Variants in PGS1 observed in about 807,000 individuals in gnomAD.
PGS1 encodes phosphatidylglycerophosphate synthase 1.
A neutral mutation model predicts 58.3 loss-of-function variants in PGS1; 44 were observed. The observed-to-expected ratio is 0.75, with a 90% CI of 0.59 to 0.97. The LOEUF (loss-of-function observed/expected upper bound fraction) is 0.97. Among genes scored for constraint, PGS1 ranks in the 50% least tolerant of loss-of-function variants. PGS1 has a pLI of 0.00. For synonymous variants in PGS1, 330 were observed against 311.0 expected (o/e 1.06, Z -0.64); for missense variants, 684 against 731.1 (o/e 0.94, Z 0.74).
chr17:78,417,652 C>G (rs1211549746), intron 8 of PGS1, among the ~76,000 whole-genome samples: 1 of 152,060 alleles, frequency 6.6e-6, no homozygotes, highest in Non-Finnish European at 1.5e-5. Context: ...TTGAGTGGCA[C>G]AGGCCACCGC....
At chr17:78,409,754 A>G (rs751436752) in intron 7 of PGS1, among the ~76,000 whole-genome samples, 1 of 152,168 alleles carries the variant, frequency 6.6e-6, no homozygotes, top group Non-Finnish European at 1.5e-5. Context: ...ATACTGTGGG[A>G]GTGCTTGAGG....
At chr17:78,381,397 T>C (rs1206036858) in intron 1 of PGS1, among the ~76,000 whole-genome samples, 12 of 152,196 alleles carry the variant, frequency 7.9e-5, no homozygotes, top group Admixed American at 6.5e-5. Context: ...TGAGGATAAA[T>C]GCTTTGACCG....
At chr17:78,408,562 C>T (rs1012008087) in intron 7 of PGS1, among the ~76,000 whole-genome samples, 2 of 152,192 alleles carry the variant, frequency 1.3e-5, no homozygotes, top group Non-Finnish European at 2.9e-5. Context: ...AGGGCTGCTG[C>T]GCGTCCCTGA....
chr17:78,379,492 C>T lies in PGS1; in HGVS notation c.143+684C>T, dbSNP rs528079311. On this transcript the variant is annotated intron_variant, in intron 1 of 9. Transcript: ENST00000262764. ...TTTTAAAATAAACATTTGCCAAGAACATGCTGACCTGAGGCTTGCTAATAT... is the reference window on the plus strand; with the variant it reads ...TTTTAAAATAAACATTTGCCAAGAATATGCTGACCTGAGGCTTGCTAATAT... Among the ~76,000 whole-genome samples the T allele has an allele frequency of 4.5e-4, 68 of 152,224 alleles. No homozygotes were observed. In the South Asian group the frequency reaches 0.014, roughly 31 times the overall value.
At chr17:78,416,523 T>C (rs888089930) in intron 8 of PGS1, among the ~76,000 whole-genome samples, 9 of 152,238 alleles carry the variant, frequency 5.9e-5, no homozygotes, top group Admixed American at 4.6e-4. Flanking sequence ...GTCCTGGTAC[T>C]GACCGTCCTC....
At chr17:78,409,519 G>A (rs1404895030) in intron 7 of PGS1, among the ~76,000 whole-genome samples, 1 of 152,228 alleles carries the variant, frequency 6.6e-6, no homozygotes, top group Non-Finnish European at 1.5e-5. Flanking sequence ...CACGTGAGGC[G>A]GCTCTCCCCT....
chr17:78,403,573 C>T lies in PGS1; in HGVS notation c.886C>T (p.Arg296Trp), dbSNP rs775754694. ...DGMVHPYKGD[R>W]AEYCKAANKR... Reference sequence around the variant, plus strand: ...TTCTTTCACGTCTTCCCCAGGGGACCGGGCCGAGTACTGCAAGGCAGCCAA... The same window carrying T: ...TTCTTTCACGTCTTCCCCAGGGGACTGGGCCGAGTACTGCAAGGCAGCCAA... Residue 296 changes from arginine (R) to tryptophan (W), a missense_variant, in exon 7 of 10, where the codon CGG (arginine) becomes TGG (tryptophan). By Grantham distance (101) the Arg-to-Trp change is moderately radical. Coordinates refer to ENST00000262764, the MANE Select transcript of PGS1 (RefSeq NM_024419.5). 1.3e-5 allele frequency: 21 copies of T among 1,608,648 alleles called. No homozygotes were observed. Among genetic ancestry groups the T allele is most frequent in the East Asian group, 8.9e-5 (4 of 44,706 alleles).
At chr17:78,390,266 A>G (rs143919873) in intron 1 of PGS1, among the ~76,000 whole-genome samples, 1 of 151,940 alleles carries the variant, frequency 6.6e-6, no homozygotes, top group East Asian at 1.9e-4. Flanking sequence ...TTACACATCT[A>G]GGCCCTTCAT....
Position 78,424,540 on chromosome 17 carries a change from T to TATAC in PGS1, c.*493_*496dup, listed in dbSNP as rs1164834425. ...CCTATGTGTACATACACAATATAAT[T>TATAC]ATACATCTGTGCATATAAATATTGC... On this transcript the variant is annotated 3_prime_UTR_variant, in exon 10 of 10. Coordinates refer to ENST00000262764, the MANE Select transcript of PGS1 (RefSeq NM_024419.5). 1.1e-5 allele frequency: 2 copies of TATAC among 185,206 alleles called. No homozygotes were observed. Among genetic ancestry groups the TATAC allele is most frequent in the African/African-American group, 4.7e-5 (2 of 42,278 alleles). 11.5% of individuals were successfully genotyped at this position (185,206 alleles called of 1,614,324 possible). A position where few individuals can be genotyped will look rare whatever the true frequency, so the allele number is the denominator to read the frequency against.
At chr17:78,382,636 GTTTTTTTTTT>G (rs925212152) in intron 1 of PGS1, 1 of 75,154 alleles carries the variant, frequency 1.3e-5, no homozygotes, top group East Asian at 4.4e-4. Context: ...ACACAGAATG[GTTTTTTTTTT>G]TTTTTTTTTT....
chr17:78,423,678 CAGAA>C, intron 9 of PGS1: 1 of 542,586 alleles, frequency 1.8e-6, no homozygotes, highest in Non-Finnish European at 3.2e-6. Flanking sequence ...CCATCAGGCA[CAGAA>C]TGGATGGGCA....
rs377016460 is a variant in PGS1 at position 78,423,924 on chromosome 17, C to T, written c.*11-137C>T. On this transcript the variant is annotated intron_variant, in intron 9 of 9. Coordinates refer to ENST00000262764, the MANE Select transcript of PGS1 (RefSeq NM_024419.5). The stretch of plus-strand genomic sequence containing the variant: ...GAGCGAGCTAAACCTGTAGGAGCAG[C>T]GCCACGGCTGCCAGGATCCACTTCG... 112 of 1,613,936 alleles carry T rather than the reference C, an allele frequency of 6.9e-5. No homozygotes were observed. The African/African-American group carries it at 9.1e-4, about 13-fold the overall frequency.
intron 7 of PGS1, among the ~76,000 whole-genome samples, chr17:78,407,457 T>A (rs1419563801): frequency 4.6e-5 from 7 of 152,230 alleles, no homozygotes; most frequent in Non-Finnish European, 1.0e-4. Context: ...TGGATTTCGA[T>A]GGCTGGCCCA....
rs551443515 is a variant in PGS1, at chr17:78,412,336, GA to G, written c.1403-2539del. ...GTTGTTGGGCAGTCTCAGGTATGTT[GA>G]AAACGTGAGCTACCTCTCAAATCCT... On this transcript the variant is annotated intron_variant, in intron 7 of 9. Coordinates refer to ENST00000262764, the MANE Select transcript of PGS1 (RefSeq NM_024419.5). 1.7e-3 allele frequency among the ~76,000 whole-genome samples: 256 copies of G among 152,208 alleles called. 1 individual carries two copies. The highest frequency in any genetic ancestry group is 2.4e-3 in the Non-Finnish European group (163 of 68,012).
intron 6 of PGS1, among the ~76,000 whole-genome samples, chr17:78,403,149 C>T (rs1266143877): frequency 6.6e-6 from 1 of 152,098 alleles, no homozygotes; most frequent in African/African-American, 2.4e-5. Flanking sequence ...GAACATGCAC[C>T]CCGAGCACCA....
At chr17:78,422,701 C>T (rs987049627) in intron 9 of PGS1, among the ~76,000 whole-genome samples, 2 of 152,018 alleles carry the variant, frequency 1.3e-5, no homozygotes, top group Non-Finnish European at 1.5e-5. Context: ...GGTTTTGCCA[C>T]GTTGCCCAGG....
Position 78,403,848 on chromosome 17 carries a change from C to T in PGS1, c.1161C>T (p.Gly387=), listed in dbSNP as rs181168414. ...GGGCAAAGGTCTACCTCACCACTGG[C>T]TATTTCAACCTGACCCAGGCCTACA... The part of the protein sequence containing the change: ...ERGAKVYLTT[G]YFNLTQAYMD... The change falls in exon 7 of 10, where the codon GGC becomes GGT. Residue 387 remains glycine (G), a synonymous_variant. Coordinates refer to ENST00000262764, the MANE Select transcript of PGS1 (RefSeq NM_024419.5). The T allele has an allele frequency of 1.2e-5, 20 of 1,614,246 alleles. No individual in the cohort carries two copies. In the East Asian group the frequency reaches 4.2e-4, roughly 34 times the overall value.
At chr17:78,403,529 A>T (rs923595893) in intron 6 of PGS1, 39 bp from the exon 7 acceptor site, 4 of 1,591,000 alleles carry the variant, frequency 2.5e-6, no homozygotes, top group Non-Finnish European at 3.4e-6. Flanking sequence ...CAGACCCTCC[A>T]TTTCTCTTCC....
intron 7 of PGS1, 120 bp downstream of exon 7, chr17:78,404,209 G>A (rs1567977770): frequency 1.5e-5 from 16 of 1,088,118 alleles, no homozygotes; most frequent in Non-Finnish European, 1.9e-5. Context: ...TACCTTCCCA[G>A]CAGCCCTTGC....
Sources: allele counts gnomAD v4.1 joint callset (sites outside exome capture counted in the v4.1 genomes callset), GRCh38; gene constraint gnomAD v4.1.1; transcripts MANE v1.5; gene names NCBI Gene and HGNC (gene_info 2026-07-23, HGNC 2026-07-21).